The following DDX41 variants were observed in gnomAD, a reference collection of about 807,000 sequenced individuals.
DDX41 encodes DEAD-box helicase 41.
DDX41 carries 50 observed loss-of-function variants against 78.8 expected under a neutral mutation model. The observed-to-expected ratio is 0.63, with a 90% CI of 0.51 to 0.80. The LOEUF is 0.80. Ranked by LOEUF, DDX41 falls within the 30% of genes least tolerant of loss-of-function variation. The probability of loss-of-function intolerance (pLI) is 0.00; values close to 1 mark genes in which losing one functional copy is unlikely to be tolerated. For synonymous variants in DDX41, 381 were observed against 321.5 expected, an observed-to-expected ratio of 1.19 and a Z score of -1.98; for missense variants, 633 against 849.2, an observed-to-expected ratio of 0.75 and a Z score of 3.16.
At position 177,514,158 on chromosome 5, in the gene DDX41, CT is replaced by C; in HGVS notation, c.936-312del. On this transcript the variant is annotated intron_variant, in intron 9 of 16. Coordinates refer to ENST00000330503, the MANE Select transcript of DDX41 (RefSeq NM_016222.4). The surrounding 1 kb of genome is among the most constrained non-coding windows in gnomAD (Gnocchi z 4.2). ...CGCTTTCCTGGCCCACTGGCTTCAC[CT>C]TTTCTGTGCTCACCATCTCCCTAAT... The C allele has an allele frequency of 3.5e-6, 2 of 566,316 alleles. No homozygotes were observed. The highest frequency in any genetic ancestry group is 6.7e-6 in the Non-Finnish European group (2 of 298,512). The allele number at this position is 566,316 out of a possible 1,614,324, so 35.1% of individuals were successfully genotyped here.
intron 2 of DDX41, 85 bp from the exon 3 acceptor site, chr5:177,516,532 C>A (rs919306619): frequency 1.1e-5 from 17 of 1,554,758 alleles, no homozygotes; most frequent in Non-Finnish European, 1.4e-5. Context: ...GGGCGAGGAT[C>A]CTGTGCCCGA....
In DDX41 at chr5:177,514,670, G is replaced by A; in HGVS notation, c.935+31C>T. ...CTTTTCCACAGACTCGCAGGTGGCA[G>A]AGGTGGGGGGCAGGGAGCGCCAGCA... On this transcript the variant is annotated intron_variant, in intron 9 of 16. Transcript: ENST00000330503. The surrounding 1 kb of genome is among the most constrained non-coding windows in gnomAD (Gnocchi z 4.2). 1.9e-6 allele frequency: 3 copies of A among 1,596,376 alleles called. No homozygotes were observed. The South Asian group carries it at 3.3e-5, about 18-fold the overall frequency.
At chr5:177,515,410 A>G in intron 6 of DDX41, 152 bp from the exon 7 acceptor site, 1 of 980,700 alleles carries the variant, frequency 1.0e-6, no homozygotes, top group Non-Finnish European at 1.6e-6. Context: ...AAAGAAAAAA[A>G]GAGACTTGTC....
rs554721122 is a variant in DDX41, at chr5:177,511,866, G to A, written c.1794C>T (p.Leu598=). ...TGACCTGCTTGGTCTGCATAGCCTC[G>A]AGTTTGGGGCAGTCAGTGATCCGAT... ...LGHRITDCPK[L]EAMQTKQVSN... Residue 598 remains leucine (L), a synonymous_variant, in exon 17 of 17, where the codon CTC becomes CTT. Transcript: ENST00000330503. The A allele has an allele frequency of 9.9e-6, 16 of 1,614,152 alleles. No homozygotes were observed. In the East Asian group the frequency reaches 2.9e-4, roughly 29 times the overall value.
intron 2 of DDX41, 56 bp from the exon 3 acceptor site, chr5:177,516,503 C>A (rs1267779338): frequency 1.9e-6 from 3 of 1,597,654 alleles, no homozygotes; most frequent in South Asian, 2.2e-5. Context: ...ACAAGGTCAG[C>A]GTCAGGATCC....
Position 177,515,734 on chromosome 5 carries a change from G to A in DDX41, c.522C>T (p.Asp174=), listed in dbSNP as rs924815407. 8.7e-6 allele frequency: 14 copies of A among 1,613,992 alleles called. No homozygotes were observed. The Admixed American group carries it at 2.0e-4, about 23-fold the overall frequency. The change falls in exon 6 of 17, where the codon GAC becomes GAT. Residue 174 remains aspartate, a synonymous_variant. Transcript: ENST00000330503. ...AGCTCTTGATGGGTGGTGGGATACC[G>A]TCTCCCTCCACCAGGATGTGGTATT... ...RKKYHILVEG[D]GIPPPIKSFK...
chr5:177,515,335 T>C, intron 6 of DDX41, 77 bp from the exon 7 acceptor site: 1 of 1,389,934 alleles, frequency 7.2e-7, no homozygotes, highest in African/African-American at 1.4e-5. Flanking sequence ...AAACTGGCAC[T>C]ACCCCTACAA....
rs1761006621 is a variant in DDX41 at position 177,512,373 on chromosome 5, C to T, written c.1570G>A (p.Gly524Arg). The change falls in exon 15 of 17, where the codon GGG (glycine) becomes AGG (arginine). Residue 524 changes from glycine to arginine, a missense_variant. Physicochemically the swap from Gly to Arg is moderately radical, Grantham distance 125. Transcript: ENST00000330503. Reference protein sequence around the residue: ...ENYVHRIGRTGRSGNTGIATT... With the variant: ...ENYVHRIGRTRRSGNTGIATT... ...GCGATGCCTGTGTTTCCCGAGCGCC[C>T]GGTGCGGCCAATCCGGTGTACTGCA... 6.2e-7 allele frequency: 1 copy of T among 1,614,024 alleles called. No homozygotes were observed. The highest frequency in any genetic ancestry group is 8.5e-7 in the Non-Finnish European group (1 of 1,179,994).
In DDX41 at chr5:177,514,791, C is replaced by T. The variant is rs756029240; in HGVS notation, c.845G>A (p.Arg282His). 16 of 1,612,762 alleles carry T rather than the reference C, an allele frequency of 9.9e-6. No individual in the cohort carries two copies. The highest frequency in any genetic ancestry group is 1.6e-4 in the Middle Eastern group (1 of 6,084). ...TGGTGAGCTGTCCTCCTGCAGCAGG[C>T]GGCAGTAGTACTCCAGGATGCCATG... ...QTHGILEYYC[R>H]LLQEDSSPLL... Residue 282 changes from arginine to histidine, a missense_variant, in exon 9 of 17, where the codon CGC becomes CAC. Physicochemically the swap from Arg to His is conservative, Grantham distance 29. Transcript: ENST00000330503. The surrounding 1 kb of genome is among the most constrained non-coding windows in gnomAD (Gnocchi z 4.2).
chr5:177,513,994 A>G lies in DDX41; in HGVS notation c.936-147T>C. The G allele has an allele frequency of 1.2e-6, 1 of 841,118 alleles. No individual in the cohort carries two copies. Among genetic ancestry groups the G allele is most frequent in the Admixed American group, 2.1e-5 (1 of 47,088 alleles). 52.1% of individuals were successfully genotyped at this position (841,118 alleles called of 1,614,324 possible). On this transcript the variant is annotated intron_variant, in intron 9 of 16. Transcript: ENST00000330503. This position sits in a 1 kb window ranked among gnomAD's most constrained non-coding sequence, Gnocchi z 4.6. ...TCTCATCATTCCCACCACCTGCCCT[A>G]TGTATAGCACACAGCTCTTTCCCAA...
In DDX41 at chr5:177,515,261, A is replaced by T; in HGVS notation, c.572-3T>A. ...CTTCTTCAGGCCTCTCAGGATGGCT[A>T]TGAAAACCAACCGACATCGTCTTCA... is the stretch of plus-strand genomic sequence containing the variant. On this transcript the variant is annotated splice_polypyrimidine_tract_variant and splice_region_variant and intron_variant, in intron 6 of 16. Transcript: ENST00000330503. 1 of 1,614,026 alleles carries T rather than the reference A, an allele frequency of 6.2e-7. No individual in the cohort carries two copies. The highest frequency in any genetic ancestry group is 1.7e-5 in the Admixed American group (1 of 60,016).
Position 177,511,848 on chromosome 5 carries a change from C to T in DDX41, c.1812G>A (p.Lys604=), listed in dbSNP as rs767516292. ...CCTTGCGACCGATGTTGCTGACCTG[C>T]TTGGTCTGCATAGCCTCGAGTTTGG... ...DCPKLEAMQT[K]QVSNIGRKDY... The change falls in exon 17 of 17, where the codon AAG becomes AAA. Residue 604 remains lysine (K), a synonymous_variant. Transcript: ENST00000330503. The T allele has an allele frequency of 2.5e-6, 4 of 1,614,140 alleles. No individual in the cohort carries two copies. The highest frequency in any genetic ancestry group is 2.5e-6 in the Non-Finnish European group (3 of 1,180,010).
At chr5:177,516,561 C>A in intron 2 of DDX41, 114 bp from the exon 3 acceptor site, 2 of 1,444,314 alleles carry the variant, frequency 1.4e-6, no homozygotes, top group Non-Finnish European at 1.9e-6. Flanking sequence ...GCTGCCCTAC[C>A]CCTCAGATCA....
chr5:177,514,840 G>A lies in DDX41; in HGVS notation c.799-3C>T. 1 of 1,610,922 alleles carries A rather than the reference G, an allele frequency of 6.2e-7. No homozygotes were observed. Among genetic ancestry groups the A allele is most frequent in the Non-Finnish European group, 8.5e-7 (1 of 1,178,278 alleles). ...TGGGTCTGCCGGGCCAGCTCCCGCT[G>A]CAGGCAGAGGGACAAAGGCTGGCAC... On this transcript the variant is annotated splice_polypyrimidine_tract_variant and splice_region_variant and intron_variant, in intron 8 of 16. Transcript: ENST00000330503. This position sits in a 1 kb window ranked among gnomAD's most constrained non-coding sequence, Gnocchi z 4.2.
chr5:177,513,821 G>A lies in DDX41; in HGVS notation c.962C>T (p.Pro321Leu). ...CTGCAGCAAATCCATGAGGCGCCCC[G>A]GGGTGGCCACCATCATGTGTACACC... Reference protein sequence around the residue: ...RHGVHMMVATPGRLMDLLQKK... With the variant: ...RHGVHMMVATLGRLMDLLQKK... Residue 321 changes from proline to leucine, a missense_variant, in exon 10 of 17, where the codon CCG becomes CTG. Physicochemically the swap from Pro to Leu is moderately conservative, Grantham distance 98. Coordinates refer to ENST00000330503, the MANE Select transcript of DDX41 (RefSeq NM_016222.4). This position sits in a 1 kb window ranked among gnomAD's most constrained non-coding sequence, Gnocchi z 4.6. The A allele has an allele frequency of 1.2e-6, 2 of 1,613,638 alleles. No homozygotes were observed. Among genetic ancestry groups the A allele is most frequent in the Non-Finnish European group, 8.5e-7 (1 of 1,179,984 alleles).
chr5:177,514,116 A>G lies in DDX41; in HGVS notation c.936-269T>C. On this transcript the variant is annotated intron_variant, in intron 9 of 16. Transcript: ENST00000330503. This position sits in a 1 kb window ranked among gnomAD's most constrained non-coding sequence, Gnocchi z 4.2. ...CAGAAGCGCTGTCATCAAGCTCCAGAGGCTTTACTCTGGGCTCGCTTTCCT... is the reference window on the plus strand; with the variant it reads ...CAGAAGCGCTGTCATCAAGCTCCAGGGGCTTTACTCTGGGCTCGCTTTCCT... The G allele has an allele frequency of 1.6e-6, 1 of 634,064 alleles. No homozygotes were observed. Among genetic ancestry groups the G allele is most frequent in the African/African-American group, 1.8e-5 (1 of 55,822 alleles). The allele number at this position is 634,064 out of a possible 1,614,324, so 39.3% of individuals were successfully genotyped here.
At chr5:177,512,904 G>A in intron 12 of DDX41, 28 bp from the exon 13 acceptor site, 3 of 1,610,738 alleles carry the variant, frequency 1.9e-6, no homozygotes, top group South Asian at 1.1e-5. Context: ...CTCCAGTCAG[G>A]GGCTAACTGC....
At chr5:177,516,523 G>A in intron 2 of DDX41, 76 bp from the exon 3 acceptor site, 3 of 1,569,372 alleles carry the variant, frequency 1.9e-6, no homozygotes, top group Middle Eastern at 1.9e-4. Context: ...CTGGCTTTGG[G>A]GCGAGGATCC....
In DDX41 at chr5:177,516,877, C is replaced by T. The variant is rs200406884; in HGVS notation, c.27+42G>A. Reference sequence around the variant, plus strand: ...GTCAGGCACGGCCTGCTCCCCTCTTCACGCCCGCTCCCACACGCGCGGGGT... The same window carrying T: ...GTCAGGCACGGCCTGCTCCCCTCTTTACGCCCGCTCCCACACGCGCGGGGT... On this transcript the variant is annotated intron_variant, in intron 1 of 16. Transcript: ENST00000330503. 30 of 1,613,332 alleles carry T rather than the reference C, an allele frequency of 1.9e-5. No homozygotes were observed. In the Admixed American group the frequency reaches 4.8e-4, roughly 26 times the overall value.
Sources: gnomAD v4.1 joint callset for allele counts on GRCh38, gnomAD v4.1.1 for gene constraint, Gnocchi (gnomAD v3.1) non-coding constraint, MANE v1.5 for transcripts, NCBI Gene and HGNC (gene_info 2026-07-23, HGNC 2026-07-21) for gene names.